Variants in ARHGAP6 observed in about 807,000 individuals in gnomAD.
ARHGAP6 encodes rho GTPase-activating protein 6.
ARHGAP6 carries 16 observed loss-of-function variants against 55.7 expected under a neutral mutation model. The ratio of observed to expected loss-of-function variants is 0.29; its 90% CI spans 0.19 to 0.44. The LOEUF (loss-of-function observed/expected upper bound fraction) is 0.44. ARHGAP6 is among the 20% of genes least tolerant of loss of function. The pLI is 1.00. For synonymous variants in ARHGAP6, 382 were observed against 360.9 expected (o/e 1.06, Z -0.66); for missense variants, 698 against 808.9 (o/e 0.86, Z 1.66).
chrX:11,415,746 G>T (rs1305735258), intron 1 of ARHGAP6, among the ~76,000 whole-genome samples: 2 of 111,972 alleles, frequency 1.8e-5, no homozygotes, highest in Non-Finnish European at 3.8e-5. Context: ...GCCATCTTGT[G>T]CCTTTGTCAT....
At chrX:11,459,425 A>G (rs1426361761) in intron 1 of ARHGAP6, among the ~76,000 whole-genome samples, 1 of 111,796 alleles carries the variant, frequency 8.9e-6, no homozygotes, top group Non-Finnish European at 1.9e-5. Context: ...AAACCACTGT[A>G]CCATACTGCC....
intron 1 of ARHGAP6, among the ~76,000 whole-genome samples, chrX:11,355,954 G>T (rs1310749579): frequency 9.0e-6 from 1 of 111,476 alleles, no homozygotes; most frequent in Non-Finnish European, 1.9e-5. Flanking sequence ...TTTACTCAAT[G>T]CTAGTCCTAT....
At chrX:11,267,712 GACA>G (rs1353082475) in intron 1 of ARHGAP6, among the ~76,000 whole-genome samples, 1 of 112,417 alleles carries the variant, frequency 8.9e-6, no homozygotes, top group Non-Finnish European at 1.9e-5. Flanking sequence ...AATCCCGAGA[GACA>G]ACATCTTGTG....
rs185690928 is a variant in ARHGAP6 at position 11,608,815 on chromosome X, T to G, written c.588+55426A>C. ...GCTGCTGCCATGTAGGAAGTGCCTT[T>G]CACTTCCCACCATGATTCTGAGGCC... On this transcript the variant is annotated intron_variant, in intron 1 of 12. Transcript: ENST00000337414. Among the ~76,000 whole-genome samples the G allele has an allele frequency of 2.7e-5, 3 of 111,704 alleles. No homozygotes were observed. The East Asian group carries it at 8.4e-4, about 31-fold the overall frequency.
chrX:11,658,097 A>G lies in ARHGAP6; in HGVS notation c.588+6144T>C, dbSNP rs761811801. Among the ~76,000 whole-genome samples the G allele has an allele frequency of 6.2e-5, 7 of 112,067 alleles. No homozygotes were observed. The Admixed American group carries it at 6.6e-4, about 11-fold the overall frequency. On this transcript the variant is annotated intron_variant, in intron 1 of 12. Coordinates refer to ENST00000337414, the MANE Select transcript of ARHGAP6 (RefSeq NM_013427.3). ...TATATAGAGAGTCAAGAAGGATTTC[A>G]GGGTGGTTCTGCCCTTGGCTCTTTG...
At chrX:11,634,033 A>G (rs2052389492) in intron 1 of ARHGAP6, among the ~76,000 whole-genome samples, 1 of 109,023 alleles carries the variant, frequency 9.2e-6, no homozygotes, top group South Asian at 4.0e-4. Flanking sequence ...TCCTATGTGT[A>G]TATTTACTTA....
At chrX:11,489,161 T>A (rs1402955105) in intron 1 of ARHGAP6, among the ~76,000 whole-genome samples, 1 of 111,248 alleles carries the variant, frequency 9.0e-6, no homozygotes, top group Non-Finnish European at 1.9e-5. Flanking sequence ...GTAAAAAGCA[T>A]AGAAAAATAA....
intron 10 of ARHGAP6, among the ~76,000 whole-genome samples, chrX:11,153,524 CA>C (rs55669123): frequency 0.058 from 1,156 of 20,065 alleles, 2 homozygotes; most frequent in African/African-American, 0.064. Flanking sequence ...GACTCGATCT[CA>C]AAAAAAAAAA....
chrX:11,184,368 G>A (rs188201181), intron 5 of ARHGAP6, among the ~76,000 whole-genome samples: 2 of 112,442 alleles, frequency 1.8e-5, no homozygotes, highest in East Asian at 2.8e-4. Context: ...GATGACAGGC[G>A]TGAGCCACGG....
At chrX:11,174,633 T>TTCTCTTTCTTTTCTG (rs1569241537) in intron 8 of ARHGAP6, among the ~76,000 whole-genome samples, 4 of 52,197 alleles carry the variant, frequency 7.7e-5, no homozygotes, top group African/African-American at 3.6e-4. Flanking sequence ...TTTTCTTTCT[T>TTCTCTTTCTTTTCTG]TCTTTCTTTC....
chrX:11,359,531 C>T (rs1488734301), intron 1 of ARHGAP6, among the ~76,000 whole-genome samples: 4 of 111,986 alleles, frequency 3.6e-5, no homozygotes, highest in Non-Finnish European at 7.5e-5. Context: ...AAATGTGTAT[C>T]AGTACCAAAC....
At chrX:11,193,582 G>C (rs766074783) in intron 3 of ARHGAP6, among the ~76,000 whole-genome samples, 5 of 112,058 alleles carry the variant, frequency 4.5e-5, no homozygotes, top group African/African-American at 6.5e-5. Context: ...AAATTTTTTT[G>C]TTTTGTTTTG....
intron 8 of ARHGAP6, among the ~76,000 whole-genome samples, chrX:11,174,576 T>TCC (rs1569241212): frequency 1.4e-3 from 113 of 78,118 alleles, no homozygotes; most frequent in East Asian, 5.7e-3. Context: ...CTTCCTTCCT[T>TCC]TCTTTCTTTC....
At chrX:11,368,131 A>G (rs994054684) in intron 1 of ARHGAP6, among the ~76,000 whole-genome samples, 1 of 112,508 alleles carries the variant, frequency 8.9e-6, no homozygotes, top group African/African-American at 3.2e-5. Flanking sequence ...TAGTTTTCCT[A>G]TGTAGCACAG....
chrX:11,249,006 T>A (rs1300122238), intron 2 of ARHGAP6, among the ~76,000 whole-genome samples: 1 of 111,951 alleles, frequency 8.9e-6, no homozygotes, highest in African/African-American at 3.2e-5. Flanking sequence ...TGCAAAAATG[T>A]GGAACCAACC....
chrX:11,147,248 T>C (rs186980112), intron 10 of ARHGAP6, among the ~76,000 whole-genome samples: 245 of 111,274 alleles, frequency 2.2e-3, no homozygotes, highest in African/African-American at 7.5e-3. Flanking sequence ...CATATACATA[T>C]TCATAAACAC....
At chrX:11,240,875 T>C (rs1156841912) in intron 2 of ARHGAP6, among the ~76,000 whole-genome samples, 1 of 101,533 alleles carries the variant, frequency 9.8e-6, no homozygotes, top group Non-Finnish European at 2.0e-5. Flanking sequence ...TGAAATCCTG[T>C]CTGTACTAAA....
chrX:11,343,610 A>G (rs1303181471), intron 1 of ARHGAP6, among the ~76,000 whole-genome samples: 1 of 111,556 alleles, frequency 9.0e-6, no homozygotes, highest in African/African-American at 3.3e-5. Context: ...AGAAATGTCA[A>G]TCTTAGCTGG....
chrX:11,139,382 G>A lies in ARHGAP6; in HGVS notation c.2406C>T (p.Ala802=), dbSNP rs1195738901. The A allele has an allele frequency of 3.4e-6, 4 of 1,181,716 alleles. No individual in the cohort carries two copies. Among genetic ancestry groups the A allele is most frequent in the African/African-American group, 1.8e-5 (1 of 56,646 alleles). The change falls in exon 13 of 13, where the codon GCC becomes GCT. Residue 802 remains alanine (A), a synonymous_variant. Transcript: ENST00000337414. ...SDTQGARRTQ[A]AAPATEGRAH... Reference sequence around the variant, plus strand: ...CCCTGCCCTCCGTCGCGGGGGCTGCGGCCTGAGTCCTCCGAGCCCCCTGCG... The same window carrying A: ...CCCTGCCCTCCGTCGCGGGGGCTGCAGCCTGAGTCCTCCGAGCCCCCTGCG...
Sources: gnomAD v4.1 joint callset for allele counts (sites outside exome capture counted in the v4.1 genomes callset) on GRCh38, gnomAD v4.1.1 for gene constraint, MANE v1.5 for transcripts, NCBI Gene and HGNC (gene_info 2026-07-23, HGNC 2026-07-21) for gene names.